Variants in KRT73 observed in about 807,000 individuals in gnomAD.
KRT73 encodes keratin 73.
A neutral mutation model predicts 47.2 loss-of-function variants in KRT73; 44 were observed. That is an observed-to-expected ratio of 0.93 (90% confidence interval 0.73 to 1.20). The LOEUF is 1.20. Among genes scored for constraint, KRT73 ranks in the 50% most tolerant of loss-of-function variants. KRT73 has a pLI of 0.00. For missense variants in KRT73, 713 were observed against 704.5 expected (o/e 1.01, Z -0.14); for synonymous variants, 285 against 291.3 (o/e 0.98, Z 0.22).
At chr12:52,612,052 AC>A (rs1007275077) in intron 5 of KRT73, among the ~76,000 whole-genome samples, 5 of 152,208 alleles carry the variant, frequency 3.3e-5, no homozygotes, top group African/African-American at 1.2e-4. Context: ...AATTCCCAGT[AC>A]CTAGCATAGT....
At chr12:52,625,721 T>G in the KRT73 span, among the ~76,000 whole-genome samples, 2 of 152,142 alleles carry the variant, frequency 1.3e-5, no homozygotes, top group Non-Finnish European at 1.5e-5. Flanking sequence ...AGCCAAAAAA[T>G]GCAAACAATC....
upstream of KRT73, chr12:52,618,681 CCCAGCAAAATCAGACA>C (rs1192123134): frequency 5.5e-6 from 4 of 726,814 alleles, no homozygotes; most frequent in African/African-American, 5.4e-5. Flanking sequence ...ATCATTTTCT[CCCAGCAAAATCAGACA>C]CCAGGTAAAT....
chr12:52,613,607 C>A, intron 5 of KRT73, 81 bp downstream of exon 5: 1 of 1,576,826 alleles, frequency 6.3e-7, no homozygotes, highest in Admixed American at 1.7e-5. Flanking sequence ...TGGGCCACCA[C>A]AGTGAGTCAT....
chr12:52,609,372 A>T, intron 7 of KRT73, 91 bp from the exon 8 acceptor site: 1 of 1,052,960 alleles, frequency 9.5e-7, no homozygotes, highest in South Asian at 1.3e-5. Flanking sequence ...ATCCCCAGCC[A>T]GACCAGCTCA....
intron 3 of KRT73, 55 bp downstream of exon 3, chr12:52,615,224 C>G: frequency 6.7e-7 from 1 of 1,497,234 alleles, no homozygotes; most frequent in Non-Finnish European, 9.3e-7. Flanking sequence ...GCTCCTCTCT[C>G]TTAGCCCAGC....
chr12:52,620,364 G>A (rs112763318), upstream of KRT73, among the ~76,000 whole-genome samples: 22,939 of 151,946 alleles, frequency 0.15, 1,894 homozygotes, highest in Non-Finnish European at 0.18. Context: ...TCAGTCTCTC[G>A]AAGTGCTGGG....
At chr12:52,615,086 TC>T in intron 3 of KRT73, 192 bp downstream of exon 3, 1 of 554,766 alleles carries the variant, frequency 1.8e-6, no homozygotes, top group Non-Finnish European at 3.2e-6. Context: ...TAGGTTCCTG[TC>T]CACAGACAAA....
chr12:52,614,673 T>A lies in KRT73; in HGVS notation c.725A>T (p.Asp242Val). 6.2e-7 allele frequency: 1 copy of A among 1,612,498 alleles called. No homozygotes were observed. Among genetic ancestry groups the A allele is most frequent in the South Asian group, 1.1e-5 (1 of 90,782 alleles). Residue 242 changes from aspartate (D) to valine (V), a missense_variant and splice_region_variant, in exon 4 of 9, where the codon GAC (aspartate) becomes GTC (valine). Physicochemically the swap from Asp to Val is radical, Grantham distance 152 (BLOSUM62 -3). Transcript: ENST00000305748. ...AENEFVVLKK[D>V]VDAAYTSKVE... ...TTTGCTCGTGTAAGCTGCGTCCACG[T>A]CCTATGGAGAATCCAGATACCCCTG...
In KRT73 at chr12:52,608,210, T is replaced by C. The variant is rs748527127; in HGVS notation, c.1609A>G (p.Lys537Glu). Residue 537 changes from lysine (K) to glutamate (E), a missense_variant, in exon 9 of 9, where the codon AAA (lysine) becomes GAA (glutamate). By Grantham distance (56) the Lys-to-Glu change is moderately conservative. Coordinates refer to ENST00000305748, the MANE Select transcript of KRT73 (RefSeq NM_175068.3). ...GTGTTGCACTTTTATCTCATGGTTT[T>C]TTTGGTGGGTGAGCTTAGAGCTAAG... ...KTLALSSPTK[K>E]TMR is the part of the protein sequence containing the mutation. 2.5e-6 allele frequency: 4 copies of C among 1,612,314 alleles called. No individual in the cohort carries two copies. Among genetic ancestry groups the C allele is most frequent in the Admixed American group, 1.7e-5 (1 of 59,832 alleles).
chr12:52,618,387 C>T lies in KRT73; in HGVS notation c.138G>A (p.Arg46=). ...GKGLSGGFSS[R]SLYSLGGARS... Reference sequence around the variant, plus strand: ...GGGCACCCCCCAGGCTGTAAAGGCTCCGACTGCTGAAGCCTCCACTGAGCC... The same window carrying T: ...GGGCACCCCCCAGGCTGTAAAGGCTTCGACTGCTGAAGCCTCCACTGAGCC... The change falls in exon 1 of 9, where the codon CGG becomes CGA. Residue 46 remains arginine (R), a synonymous_variant. Transcript: ENST00000305748. 2 of 1,614,196 alleles carry T rather than the reference C, an allele frequency of 1.2e-6. No homozygotes were observed. Among genetic ancestry groups the T allele is most frequent in the Non-Finnish European group, 1.7e-6 (2 of 1,180,052 alleles).
At chr12:52,616,113 TG>T in intron 2 of KRT73, 52 bp downstream of exon 2, 1 of 1,604,754 alleles carries the variant, frequency 6.2e-7, no homozygotes, top group South Asian at 1.1e-5. Context: ...CAGTGCCTGC[TG>T]GGAAAGCCTC....
At chr12:52,625,061 T>G in the KRT73 span, among the ~76,000 whole-genome samples, 34,683 of 151,990 alleles carry the variant, frequency 0.23, 4,418 homozygotes, top group East Asian at 0.5. Context: ...AGAAAAACAA[T>G]AGGGGAAATC....
the KRT73 span, among the ~76,000 whole-genome samples, chr12:52,624,235 CAAACA>C: frequency 6.6e-6 from 1 of 151,584 alleles, no homozygotes; most frequent in African/African-American, 2.4e-5. Context: ...GTTTATACAC[CAAACA>C]AAAGAGTTGC....
At chr12:52,610,307 C>T (rs1354693685) in intron 7 of KRT73, 1 of 363,136 alleles carries the variant, frequency 2.8e-6, no homozygotes, top group South Asian at 2.5e-5. Context: ...AAACTCCTGA[C>T]CTCAGGTGAT....
chr12:52,613,496 G>A lies in KRT73; in HGVS notation c.984+192C>T. ...CACTCAGCTGAGTGCATCCTCCAGG[G>A]GTGCTGTTGATCTAAGTGGGTGCCA... is the stretch of plus-strand genomic sequence containing the variant. On this transcript the variant is annotated intron_variant, in intron 5 of 8. Coordinates refer to ENST00000305748, the MANE Select transcript of KRT73 (RefSeq NM_175068.3). 2.9e-6 allele frequency: 3 copies of A among 1,018,294 alleles called. 1 individual carries two copies. Among genetic ancestry groups the A allele is most frequent in the South Asian group, 3.5e-5 (2 of 57,266 alleles). 63.1% of individuals were successfully genotyped at this position (1,018,294 alleles called of 1,614,324 possible).
chr12:52,621,140 C>T (rs1257047091), upstream of KRT73, among the ~76,000 whole-genome samples: 2 of 152,126 alleles, frequency 1.3e-5, no homozygotes, highest in African/African-American at 4.8e-5. Flanking sequence ...TTTCACATCC[C>T]TTATATTGCC....
the KRT73 span, among the ~76,000 whole-genome samples, chr12:52,628,999 A>G: frequency 1.3e-5 from 2 of 151,862 alleles, no homozygotes; most frequent in African/African-American, 4.8e-5. Context: ...ATTAAACTTG[A>G]CTCCTCATCT....
Position 52,618,427 on chromosome 12 carries a change from C to T in KRT73, c.98G>A (p.Arg33Gln), listed in dbSNP as rs754038667. 18 of 1,614,064 alleles carry T rather than the reference C, an allele frequency of 1.1e-5. No homozygotes were observed. Among genetic ancestry groups the T allele is most frequent in the East Asian group, 2.2e-5 (1 of 44,878 alleles). ...TCCACTGAGCCCTTTGCCCCCTGCT[C>T]GGTAGGAGGATGAGCTGCCCCCTGA... is the stretch of plus-strand genomic sequence containing the variant. ...VLSGGSSSSYRAGGKGLSGGF... is the reference protein window; with the variant it reads ...VLSGGSSSSYQAGGKGLSGGF... The change falls in exon 1 of 9, where the codon CGA becomes CAA. Residue 33 changes from arginine to glutamine, a missense_variant. Physicochemically the swap from Arg to Gln is conservative, Grantham distance 43. Coordinates refer to ENST00000305748, the MANE Select transcript of KRT73 (RefSeq NM_175068.3).
In KRT73 at chr12:52,616,175, T is replaced by C. The variant is rs1175432307; in HGVS notation, c.653A>G (p.Tyr218Cys). The change falls in exon 2 of 9, where the codon TAC (tyrosine) becomes TGC (cysteine). Residue 218 changes from tyrosine (Y) to cysteine (C), a missense_variant. Transcript: ENST00000305748. The part of the protein sequence containing the change: ...LRSVREVVED[Y>C]KKRYEEEINK... ...GTGGCGTCCTGCTCACCTCTTCTTG[T>C]AGTCCTCCACCACTTCGCGCACGCT... The C allele has an allele frequency of 3.1e-6, 5 of 1,613,924 alleles. No homozygotes were observed. Among genetic ancestry groups the C allele is most frequent in the Non-Finnish European group, 4.2e-6 (5 of 1,179,960 alleles).
Sources: allele counts gnomAD v4.1 joint callset (sites outside exome capture counted in the v4.1 genomes callset), GRCh38; gene constraint gnomAD v4.1.1; transcripts MANE v1.5; gene names NCBI Gene and HGNC (gene_info 2026-07-23, HGNC 2026-07-21).